The following ABI3BP variants were observed in gnomAD, a reference collection of about 807,000 sequenced individuals.
ABI3BP encodes the protein ABI family member 3 binding protein, also known as target of Nesh-SH3.
ABI3BP carries 216 observed loss-of-function variants against 268.6 expected under a neutral mutation model. That is an observed-to-expected ratio of 0.80 (90% CI 0.72 to 0.90). The LOEUF is 0.90. ABI3BP is among the 40% of genes least tolerant of loss of function. The pLI is 0.00. For missense variants in ABI3BP, 2,090 were observed against 2,182.4 expected, an observed-to-expected ratio of 0.96 and a Z score of 0.84; for synonymous variants, 730 against 730.0, an observed-to-expected ratio of 1.00 and a Z score of 0.00.
chr3:100,889,390 A>G (rs2043449183), intron 4 of ABI3BP, among the ~76,000 whole-genome samples: 1 of 152,206 alleles, frequency 6.6e-6, no homozygotes, highest in Non-Finnish European at 1.5e-5. Context: ...GGCAAAAGAC[A>G]TGGAAAAAGA....
chr3:100,990,535 C>A (rs2092745365), intron 1 of ABI3BP, among the ~76,000 whole-genome samples: 1 of 149,644 alleles, frequency 6.7e-6, no homozygotes, highest in Admixed American at 6.7e-5. Context: ...CCACATATAA[C>A]AACTGACTTC....
At chr3:100,930,080 T>C in intron 1 of ABI3BP, among the ~76,000 whole-genome samples, 1 of 152,012 alleles carries the variant, frequency 6.6e-6, no homozygotes, top group East Asian at 1.9e-4. Context: ...ATACTAGTCA[T>C]AAAATGGCAT....
intron 58 of ABI3BP, chr3:100,778,606 C>A: frequency 2.0e-6 from 1 of 497,280 alleles, no homozygotes; most frequent in Non-Finnish European, 3.5e-6. Context: ...GAAAACATGT[C>A]CTCATTATAG....
chr3:100,749,899 G>GA lies in ABI3BP; in HGVS notation c.*595dup. 1 of 394,532 alleles carries GA rather than the reference G, an allele frequency of 2.5e-6. No homozygotes were observed. The allele number at this position is 394,532 out of a possible 1,614,324, so 24.4% of individuals were successfully genotyped here. ...TTTAAGAATTTGTGGATGTTTAAAG[G>GA]AAATGTATATTAGCATGAATGTGTA... On this transcript the variant is annotated 3_prime_UTR_variant, in exon 68 of 68. Coordinates refer to ENST00000471714, the MANE Select transcript of ABI3BP (RefSeq NM_001375547.2).
In ABI3BP at chr3:100,753,763, C is replaced by T. The variant is rs1333966086; in HGVS notation, c.4960+56G>A. On this transcript the variant is annotated intron_variant, in intron 65 of 67. Coordinates refer to ENST00000471714, the MANE Select transcript of ABI3BP (RefSeq NM_001375547.2). ...TGATTCAGATTCTGCCATGCCTGTT[C>T]AGTTGAATAAATTTAGAAAAGCATG... 6 of 1,578,928 alleles carry T rather than the reference C, an allele frequency of 3.8e-6. No individual in the cohort carries two copies. In the African/African-American group the frequency reaches 8.1e-5, roughly 21 times the overall value.
Position 100,751,683 on chromosome 3 carries a change from C to G in ABI3BP, c.5123-9G>C, listed in dbSNP as rs749038875. On this transcript the variant is annotated splice_polypyrimidine_tract_variant and intron_variant, in intron 66 of 67. Coordinates refer to ENST00000471714, the MANE Select transcript of ABI3BP (RefSeq NM_001375547.2). ...TATGTTATAAAATTTTCCTGAAGAA[C>G]CAGAAATTAAAAGGATAAAGTTTAC... The G allele has an allele frequency of 3.2e-6, 5 of 1,581,264 alleles. No individual in the cohort carries two copies. The African/African-American group carries it at 4.1e-5, about 13-fold the overall frequency.
chr3:100,860,416 G>T (rs936576091), intron 14 of ABI3BP, among the ~76,000 whole-genome samples: 2 of 152,244 alleles, frequency 1.3e-5, no homozygotes, highest in African/African-American at 2.4e-5. Flanking sequence ...TGCCCTGGCA[G>T]TAGTGTAGCA....
intron 9 of ABI3BP, among the ~76,000 whole-genome samples, chr3:100,872,082 G>A (rs1437096084): frequency 1.3e-5 from 2 of 152,102 alleles, no homozygotes; most frequent in African/African-American, 2.4e-5. Context: ...AGTCTCAAAC[G>A]ATTCCCTGGC....
chr3:100,813,766 A>G, intron 44 of ABI3BP, 31 bp from the exon 45 acceptor site: 1 of 1,500,718 alleles, frequency 6.7e-7, no homozygotes, highest in Non-Finnish European at 9.0e-7. Flanking sequence ...TTGTAAGAGT[A>G]ATTTTCAGTT....
intron 11 of ABI3BP, 186 bp from the exon 12 acceptor site, chr3:100,864,262 G>C (rs2099028052): frequency 1.7e-6 from 1 of 585,428 alleles, no homozygotes; most frequent in African/African-American, 1.9e-5. Flanking sequence ...TACATTCAAA[G>C]GGCAGTGGTG....
rs2098208024 is a variant in ABI3BP at position 100,821,133 on chromosome 3, T to A, written c.2888-20A>T. The stretch of plus-strand genomic sequence containing the variant: ...TAGGAACTGATCAAAAGCATTAAAA[T>A]TAACCAAATGATTATTTTAAATGAA... On this transcript the variant is annotated intron_variant, in intron 38 of 67. Transcript: ENST00000471714. The A allele has an allele frequency of 6.5e-7, 1 of 1,531,306 alleles. No individual in the cohort carries two copies. 94.9% of individuals were successfully genotyped at this position (1,531,306 alleles called of 1,614,324 possible).
Position 100,834,778 on chromosome 3 carries a change from A to G in ABI3BP, c.2192-5T>C. On this transcript the variant is annotated splice_polypyrimidine_tract_variant and splice_region_variant and intron_variant, in intron 28 of 67. Transcript: ENST00000471714. ...TTCGTTGCGATGTTTTTGGAGCTAAAGAAAGGAAACTGGTTATTGTAGTCA... is the reference window on the plus strand; with the variant it reads ...TTCGTTGCGATGTTTTTGGAGCTAAGGAAAGGAAACTGGTTATTGTAGTCA... The G allele has an allele frequency of 6.5e-7, 1 of 1,535,546 alleles. No homozygotes were observed. The highest frequency in any genetic ancestry group is 8.7e-7 in the Non-Finnish European group (1 of 1,146,424).
intron 61 of ABI3BP, among the ~76,000 whole-genome samples, chr3:100,771,786 A>G (rs2096553592): frequency 6.6e-6 from 1 of 152,208 alleles, no homozygotes; most frequent in Non-Finnish European, 1.5e-5. Flanking sequence ...GTGGTCTCAT[A>G]TACATGTAAT....
chr3:100,916,394 A>C (rs1230105652), intron 2 of ABI3BP, among the ~76,000 whole-genome samples: 1 of 152,230 alleles, frequency 6.6e-6, no homozygotes, highest in Non-Finnish European at 1.5e-5. Flanking sequence ...AATTTACACA[A>C]GATGAGTTTT....
chr3:100,859,208 G>T (rs1029559487), intron 14 of ABI3BP, among the ~76,000 whole-genome samples: 3 of 151,954 alleles, frequency 2.0e-5, no homozygotes, highest in Non-Finnish European at 4.4e-5. Flanking sequence ...TGGCTGAAAG[G>T]AATTGATATA....
chr3:100,910,314 T>C (rs1057125210), intron 2 of ABI3BP, among the ~76,000 whole-genome samples: 1 of 152,062 alleles, frequency 6.6e-6, no homozygotes, highest in African/African-American at 2.4e-5. Flanking sequence ...ATGTAGATGA[T>C]GGGTTGATGA....
intron 3 of ABI3BP, among the ~76,000 whole-genome samples, chr3:100,899,277 A>T (rs1034894093): frequency 6.6e-6 from 1 of 152,222 alleles, no homozygotes; most frequent in African/African-American, 2.4e-5. Context: ...AATTTCTTTT[A>T]CAGATAAAAT....
intron 60 of ABI3BP, 108 bp downstream of exon 60, chr3:100,775,099 G>C (rs1350243037): frequency 3.1e-6 from 4 of 1,272,178 alleles, no homozygotes; most frequent in Non-Finnish European, 4.3e-6. Flanking sequence ...ATCATAAAAT[G>C]GAGTAAAATA....
chr3:100,797,688 C>G (rs749095814), intron 51 of ABI3BP, among the ~76,000 whole-genome samples: 9 of 151,708 alleles, frequency 5.9e-5, no homozygotes, highest in Non-Finnish European at 5.9e-5. Context: ...TTGCATGCCA[C>G]ATCTGTTCTT....
Sources: gnomAD v4.1 joint callset for allele counts (sites outside exome capture counted in the v4.1 genomes callset) on GRCh38, gnomAD v4.1.1 for gene constraint, MANE v1.5 for transcripts, NCBI Gene and HGNC (gene_info 2026-07-23, HGNC 2026-07-21) for gene names.